SEC24D: variants seen among roughly 807,000 people sequenced by gnomAD.
SEC24D encodes SEC24 homolog D, COPII component.
A neutral mutation model predicts 116.9 loss-of-function variants in SEC24D; 69 were observed. That is an observed-to-expected ratio of 0.59 (90% CI 0.49 to 0.72). The LOEUF is 0.72. SEC24D is among the 30% of genes least tolerant of loss of function. The pLI is 0.00. For synonymous variants in SEC24D, 405 were observed against 442.8 expected, an observed-to-expected ratio of 0.91 and a Z score of 1.07; for missense variants, 1,131 against 1,264.1, an observed-to-expected ratio of 0.89 and a Z score of 1.60.
At chr4:118,797,964 T>C (rs1300149836) in intron 7 of SEC24D, among the ~76,000 whole-genome samples, 154 bp from the exon 8 acceptor site, 4 of 152,222 alleles carry the variant, frequency 2.6e-5, no homozygotes, top group African/African-American at 9.6e-5. Context: ...AAAGTAGTAT[T>C]GTGCAATTCT....
chr4:118,793,216 C>T lies in SEC24D; in HGVS notation c.1041+4467G>A, dbSNP rs563260218. On this transcript the variant is annotated intron_variant, in intron 8 of 22. Coordinates refer to ENST00000280551, the MANE Select transcript of SEC24D (RefSeq NM_014822.4). The stretch of plus-strand genomic sequence containing the variant: ...GGCGCGGTGGCTCACGCCTGTAATC[C>T]CAGCACTTTGGGAGGCCGAGGCGGG... 3.3e-3 allele frequency among the ~76,000 whole-genome samples: 499 copies of T among 152,104 alleles called. 3 individuals are homozygous for T. The highest frequency in any genetic ancestry group is 0.011 in the African/African-American group (470 of 41,500).
chr4:118,789,025 G>T lies in SEC24D; in HGVS notation c.1041+8658C>A, dbSNP rs144144630. On this transcript the variant is annotated intron_variant, in intron 8 of 22. Transcript: ENST00000280551. ...AAAAAGACTTTAAGAACTCTAAAAT[G>T]ATTATTTCAAGATAACTCATAAGCT... Among the ~76,000 whole-genome samples the T allele has an allele frequency of 2.5e-3, 375 of 152,290 alleles. 1 individual carries two copies. The highest frequency in any genetic ancestry group is 8.6e-3 in the African/African-American group (358 of 41,558).
intron 7 of SEC24D, among the ~76,000 whole-genome samples, chr4:118,803,176 A>G (rs1221770514): frequency 6.6e-6 from 1 of 152,218 alleles, no homozygotes; most frequent in Non-Finnish European, 1.5e-5. Context: ...ACAGGTAATA[A>G]GAATGATTTG....
chr4:118,830,756 T>C (rs1006525264), intron 2 of SEC24D, among the ~76,000 whole-genome samples: 3 of 152,068 alleles, frequency 2.0e-5, no homozygotes, highest in African/African-American at 7.2e-5. Flanking sequence ...TGAAAAAGTA[T>C]TAGAATACAA....
At chr4:118,784,637 A>T (rs1166130594) in intron 8 of SEC24D, among the ~76,000 whole-genome samples, 2 of 152,324 alleles carry the variant, frequency 1.3e-5, no homozygotes, top group Middle Eastern at 3.4e-3. Flanking sequence ...ATATTTTTCA[A>T]GAAAGTAAAT....
intron 7 of SEC24D, among the ~76,000 whole-genome samples, 184 bp downstream of exon 7, chr4:118,805,659 C>T (rs1283694569): frequency 2.0e-5 from 3 of 152,152 alleles, no homozygotes; most frequent in East Asian, 1.9e-4. Context: ...GACTTCCATA[C>T]GCACAGAATA....
chr4:118,817,374 G>A lies in SEC24D; in HGVS notation c.287C>T (p.Ser96Leu), dbSNP rs751790720. Residue 96 changes from serine (S) to leucine (L), a missense_variant, in exon 4 of 23, where the codon TCA becomes TTA. By Grantham distance (145) the Ser-to-Leu change is moderately radical. Transcript: ENST00000280551. Reference protein sequence around the residue: ...GPPPVNNVASSHAPYQPSAQS... With the variant: ...GPPPVNNVASLHAPYQPSAQS... ...TGCAGAGGGTTGGTATGGTGCATGT[G>A]AGGATGCCACATTGTTGACAGGTGG... is the stretch of plus-strand genomic sequence containing the variant. 1.5e-5 allele frequency: 24 copies of A among 1,612,782 alleles called. No individual in the cohort carries two copies. The highest frequency in any genetic ancestry group is 2.0e-5 in the Non-Finnish European group (23 of 1,179,464).
chr4:118,799,697 GATGTGT>G (rs1729337377), intron 7 of SEC24D, among the ~76,000 whole-genome samples: 1 of 152,158 alleles, frequency 6.6e-6, no homozygotes, highest in Non-Finnish European at 1.5e-5. Context: ...TGAAGTGTAG[GATGTGT>G]ATCACGCGGA....
chr4:118,820,177 A>T (rs148334034), intron 3 of SEC24D, among the ~76,000 whole-genome samples: 21 of 127,460 alleles, frequency 1.6e-4, no homozygotes, highest in Non-Finnish European at 1.8e-4. Flanking sequence ...AATTAGTTTA[A>T]TTTTTTTTTT....
intron 6 of SEC24D, among the ~76,000 whole-genome samples, chr4:118,807,543 C>G (rs988054979): frequency 6.7e-6 from 1 of 149,920 alleles, no homozygotes; most frequent in Non-Finnish European, 1.5e-5. Context: ...AATGGAGAAA[C>G]AGGAAGTGTG....
chr4:118,789,980 A>C (rs1359892977), intron 8 of SEC24D, among the ~76,000 whole-genome samples: 3 of 152,238 alleles, frequency 2.0e-5, no homozygotes, highest in Non-Finnish European at 4.4e-5. Flanking sequence ...ATAACAATGA[A>C]GCTATCCCCA....
intron 7 of SEC24D, among the ~76,000 whole-genome samples, chr4:118,799,710 C>T (rs557351382): frequency 2.4e-4 from 36 of 152,176 alleles, no homozygotes; most frequent in Non-Finnish European, 4.1e-4. Flanking sequence ...GTGTATCACG[C>T]GGAGGCACGA....
chr4:118,757,715 C>T lies in SEC24D; in HGVS notation c.1421+6G>A. The T allele has an allele frequency of 6.2e-7, 1 of 1,604,380 alleles. No individual in the cohort carries two copies. The highest frequency in any genetic ancestry group is 1.7e-4 in the Middle Eastern group (1 of 6,018). Reference sequence around the variant, plus strand: ...TAAGTTGTAAAAAGAATGACGGTTGCCTTACTTTGGAATTTTTTCCAGCAT... The same window carrying T: ...TAAGTTGTAAAAAGAATGACGGTTGTCTTACTTTGGAATTTTTTCCAGCAT... On this transcript the variant is annotated splice_donor_region_variant and intron_variant, in intron 11 of 22. Transcript: ENST00000280551.
chr4:118,745,101 G>T, intron 13 of SEC24D, 41 bp from the exon 14 acceptor site: 1 of 1,072,550 alleles, frequency 9.3e-7, no homozygotes, highest in Non-Finnish European at 1.4e-6. Flanking sequence ...AGAAAATGCC[G>T]TGAGTAGGAA....
At chr4:118,788,702 A>C (rs1196719769) in intron 8 of SEC24D, among the ~76,000 whole-genome samples, 2 of 152,254 alleles carry the variant, frequency 1.3e-5, no homozygotes, top group Non-Finnish European at 2.9e-5. Flanking sequence ...AGTCATTTAA[A>C]AGACATGAAA....
At chr4:118,834,245 C>CA (rs1374325198) in intron 1 of SEC24D, among the ~76,000 whole-genome samples, 1 of 152,204 alleles carries the variant, frequency 6.6e-6, no homozygotes, top group Admixed American at 6.5e-5. Context: ...ACAAACATAG[C>CA]AACAGACAAC....
intron 9 of SEC24D, chr4:118,766,736 T>A (rs544648113): frequency 1.3e-5 from 2 of 152,344 alleles, no homozygotes; most frequent in East Asian, 3.9e-4. Context: ...GGTGAAGACA[T>A]CTGAGGAGCT....
chr4:118,770,652 T>C (rs1303948122), intron 8 of SEC24D, among the ~76,000 whole-genome samples: 3 of 152,230 alleles, frequency 2.0e-5, no homozygotes, highest in African/African-American at 7.2e-5. Context: ...AATTATATGC[T>C]AGACAAGCCA....
At chr4:118,793,258 G>C (rs988887916) in intron 8 of SEC24D, among the ~76,000 whole-genome samples, 6 of 151,808 alleles carry the variant, frequency 4.0e-5, no homozygotes, top group South Asian at 2.1e-4. Context: ...ACGAGGTCAG[G>C]AGATAGAGAC....
Sources: gnomAD v4.1 joint callset for allele counts (sites outside exome capture counted in the v4.1 genomes callset) on GRCh38, gnomAD v4.1.1 for gene constraint, MANE v1.5 for transcripts, NCBI Gene and HGNC (gene_info 2026-07-23, HGNC 2026-07-21) for gene names.